The following KIF13B variants were observed in gnomAD, a reference collection of about 807,000 sequenced individuals.
KIF13B encodes the protein kinesin family member 13B, also known as kinesin-like protein KIF13B.
KIF13B carries 127 observed loss-of-function variants against 222.0 expected under a neutral mutation model. The observed-to-expected ratio is 0.57, with a 90% CI of 0.50 to 0.66. The LOEUF (loss-of-function observed/expected upper bound fraction) is 0.66, where lower values mean the gene tolerates loss of function less well. Among genes scored for constraint, KIF13B ranks in the 30% least tolerant of loss-of-function variants. The pLI is 0.00. For missense variants in KIF13B, 2,173 were observed against 2,379.0 expected (o/e 0.91, Z 1.80); for synonymous variants, 976 against 919.0 (o/e 1.06, Z -1.12).
chr8:29,099,885 G>A (rs1293782960), intron 35 of KIF13B, among the ~76,000 whole-genome samples: 1 of 152,014 alleles, frequency 6.6e-6, no homozygotes, highest in African/African-American at 2.4e-5. Flanking sequence ...GTTCTGCTTT[G>A]AGACCACTTC....
intron 13 of KIF13B, among the ~76,000 whole-genome samples, chr8:29,157,837 A>C (rs1304838032): frequency 6.6e-6 from 1 of 151,510 alleles, no homozygotes; most frequent in Non-Finnish European, 1.5e-5. Context: ...CCTCAAAAAA[A>C]AAAAAAAAAA....
In KIF13B at chr8:29,146,385, T is replaced by C. The variant is rs1811059843; in HGVS notation, c.2180A>G (p.Asn727Ser). The C allele has an allele frequency of 1.9e-6, 3 of 1,613,966 alleles. No homozygotes were observed. Among genetic ancestry groups the C allele is most frequent in the East Asian group, 2.2e-5 (1 of 44,888 alleles). The change falls in exon 18 of 40, where the codon AAC (asparagine) becomes AGC (serine). Residue 727 changes from asparagine (N) to serine (S), a missense_variant. By Grantham distance (46) the Asn-to-Ser change is conservative. Coordinates refer to ENST00000524189, the MANE Select transcript of KIF13B (RefSeq NM_015254.4). ...AAGGAACGGCAACCTCACCTTCCTG[T>C]TGGCATCCAGGCTGGAGGCTGGAAT... is the stretch of plus-strand genomic sequence containing the variant. The part of the protein sequence containing the change: ...LQIPASSLDA[N>S]RKRGSLLSEP...
intron 37 of KIF13B, among the ~76,000 whole-genome samples, chr8:29,083,708 C>T (rs1807913171): frequency 6.6e-6 from 1 of 152,042 alleles, no homozygotes; most frequent in South Asian, 2.1e-4. Context: ...AAAACTCCTC[C>T]CTAAACTGAA....
chr8:29,203,757 T>C (rs1417582896), intron 2 of KIF13B, among the ~76,000 whole-genome samples: 1 of 151,404 alleles, frequency 6.6e-6, no homozygotes, highest in Non-Finnish European at 1.5e-5. Flanking sequence ...AGCCGGGCAT[T>C]GTGGTGCATG....
chr8:29,146,031 G>C (rs1811044896), intron 18 of KIF13B: 3 of 483,478 alleles, frequency 6.2e-6, no homozygotes, highest in Admixed American at 3.8e-5. Context: ...TGTGGAGAAG[G>C]GGTTGTAGAG....
At chr8:29,242,851 TTA>T (rs1351146857) in intron 2 of KIF13B, among the ~76,000 whole-genome samples, 49 of 152,364 alleles carry the variant, frequency 3.2e-4, no homozygotes, top group African/African-American at 1.1e-3. Flanking sequence ...GATTAATATT[TTA>T]TTCACTGTAA....
Position 29,140,075 on chromosome 8 carries a change from T to A in KIF13B, c.2601A>T (p.Lys867Asn). ...VSFEKETQEN[K>N]LVCMVKILQA... Reference sequence around the variant, plus strand: ...AGCTGGGACTTACCATGCACACCAGTTTGTTCTCCTGGGTCTCCTTCTCAA... The same window carrying A: ...AGCTGGGACTTACCATGCACACCAGATTGTTCTCCTGGGTCTCCTTCTCAA... The change falls in exon 21 of 40, where the codon AAA (lysine) becomes AAT (asparagine). Residue 867 changes from lysine (K) to asparagine (N), a missense_variant. Physicochemically the swap from Lys to Asn is moderately conservative, Grantham distance 94. Coordinates refer to ENST00000524189, the MANE Select transcript of KIF13B (RefSeq NM_015254.4). The A allele has an allele frequency of 6.3e-7, 1 of 1,591,658 alleles. No homozygotes were observed. Among genetic ancestry groups the A allele is most frequent in the Non-Finnish European group, 8.6e-7 (1 of 1,169,218 alleles).
In KIF13B at chr8:29,140,040, A is replaced by C. The variant is rs1482916773; in HGVS notation, c.2613+23T>G. 4 of 1,554,164 alleles carry C rather than the reference A, an allele frequency of 2.6e-6. No homozygotes were observed. The Admixed American group carries it at 6.0e-5, about 23-fold the overall frequency. ...GCAATGACTTTTGTATCAACGTAAT[A>C]CTAGGATGAAGCTGGGACTTACCAT... On this transcript the variant is annotated intron_variant, in intron 21 of 39. Transcript: ENST00000524189.
intron 2 of KIF13B, among the ~76,000 whole-genome samples, chr8:29,214,960 G>A (rs916180177): frequency 2.0e-5 from 3 of 152,152 alleles, no homozygotes; most frequent in Non-Finnish European, 4.4e-5. Context: ...CCAAACCAAG[G>A]CAGAAGGAAT....
At chr8:29,202,510 G>A (rs913619130) in intron 2 of KIF13B, among the ~76,000 whole-genome samples, 9 of 152,156 alleles carry the variant, frequency 5.9e-5, no homozygotes, top group Non-Finnish European at 1.2e-4. Flanking sequence ...TAGAGGCAGC[G>A]TTTCACCATG....
chr8:29,247,348 A>T (rs775562281), intron 1 of KIF13B, among the ~76,000 whole-genome samples: 1 of 152,214 alleles, frequency 6.6e-6, no homozygotes, highest in Non-Finnish European at 1.5e-5. Flanking sequence ...TGAGTGTGCC[A>T]CTGCACTACA....
At chr8:29,144,626 C>T (rs566045438) in intron 18 of KIF13B, among the ~76,000 whole-genome samples, 1 of 152,160 alleles carries the variant, frequency 6.6e-6, no homozygotes, top group East Asian at 1.9e-4. Context: ...TACAAAAATC[C>T]CATTTGTGAC....
intron 10 of KIF13B, among the ~76,000 whole-genome samples, chr8:29,168,144 T>C (rs531880356): frequency 6.6e-6 from 1 of 152,364 alleles, no homozygotes; most frequent in Admixed American, 6.5e-5. Context: ...CTTCATTTTC[T>C]TCGCTCTGAT....
intron 14 of KIF13B, among the ~76,000 whole-genome samples, chr8:29,153,971 T>C (rs1811408368): frequency 6.6e-6 from 1 of 152,240 alleles, no homozygotes; most frequent in African/African-American, 2.4e-5. Context: ...AAAATTTTAT[T>C]TCCTATCTAG....
At chr8:29,085,633 A>T (rs897383202) in intron 37 of KIF13B, among the ~76,000 whole-genome samples, 1 of 150,016 alleles carries the variant, frequency 6.7e-6, no homozygotes, top group Non-Finnish European at 1.5e-5. Flanking sequence ...TGGCCTCCCA[A>T]AGTGCTGAGA....
chr8:29,146,507 C>T lies in KIF13B; in HGVS notation c.2058G>A (p.Leu686=), dbSNP rs764900240. The change falls in exon 18 of 40, where the codon CTG becomes CTA. Residue 686 remains leucine (L), a synonymous_variant. Transcript: ENST00000524189. The part of the protein sequence containing the change: ...EATLNNSLMR[L]REQIVKANLL... ...GATTGGCCTTAACAATTTGTTCCCT[C>T]AGCCTCATCAGGCTGTTATTCAACG... is the stretch of plus-strand genomic sequence containing the variant. 2 of 1,613,862 alleles carry T rather than the reference C, an allele frequency of 1.2e-6. No homozygotes were observed. Among genetic ancestry groups the T allele is most frequent in the Non-Finnish European group, 1.7e-6 (2 of 1,179,844 alleles).
intron 2 of KIF13B, among the ~76,000 whole-genome samples, chr8:29,209,985 G>A (rs1258741538): frequency 6.6e-6 from 1 of 151,842 alleles, no homozygotes; most frequent in Non-Finnish European, 1.5e-5. Context: ...GAGACCAGTT[G>A]GTCAAGGCTG....
At chr8:29,224,007 C>CTT (rs1256284956) in intron 2 of KIF13B, among the ~76,000 whole-genome samples, 1 of 137,460 alleles carries the variant, frequency 7.3e-6, no homozygotes, top group African/African-American at 2.7e-5. Flanking sequence ...TTTTTTTTTT[C>CTT]TTTTTTTTTG....
chr8:29,118,406 A>T (rs2129690824), intron 30 of KIF13B, among the ~76,000 whole-genome samples: 1 of 151,232 alleles, frequency 6.6e-6, no homozygotes, highest in South Asian at 2.1e-4. Context: ...GAGGCAGGAG[A>T]ATCACTTGAA....
Sources: allele counts gnomAD v4.1 joint callset (sites outside exome capture counted in the v4.1 genomes callset), GRCh38; gene constraint gnomAD v4.1.1; transcripts MANE v1.5; gene names NCBI Gene and HGNC (gene_info 2026-07-23, HGNC 2026-07-21).